Variants in KCNQ3 observed in about 807,000 individuals in gnomAD.
KCNQ3 encodes the protein potassium voltage-gated channel subfamily Q member 3.
A neutral mutation model predicts 92.5 loss-of-function variants in KCNQ3; 30 were observed. That is an observed-to-expected ratio of 0.32 (90% CI 0.24 to 0.44). KCNQ3 has a LOEUF of 0.44. KCNQ3 is among the 20% of genes least tolerant of loss of function. The pLI, the probability that KCNQ3 is intolerant of heterozygous loss-of-function variation, is 1.00. For synonymous variants in KCNQ3, 450 were observed against 468.8 expected, an observed-to-expected ratio of 0.96 and a Z score of 0.52; for missense variants, 913 against 1,140.3, an observed-to-expected ratio of 0.80 and a Z score of 2.87.
At chr8:132,156,446 A>G (rs536455473) in intron 9 of KCNQ3, among the ~76,000 whole-genome samples, 8 of 152,096 alleles carry the variant, frequency 5.3e-5, no homozygotes, top group East Asian at 3.9e-4. Flanking sequence ...TAACTCTACT[A>G]CCTAGTTATT....
In KCNQ3 at chr8:132,154,193, G is replaced by GTTTTTTTTTTTTTTTTTTT. The variant is rs869112851; in HGVS notation, c.1262+9256_1262+9274dup. On this transcript the variant is annotated intron_variant, in intron 9 of 14. Transcript: ENST00000388996. ...CTGATGTACCATCAAAAGGGTAAAA[G>GTTTTTTTTTTTTTTTTTTT]TTTTTTTTTTTTTTTTTTTTTTTTT... Among the ~76,000 whole-genome samples the GTTTTTTTTTTTTTTTTTTT allele has an allele frequency of 6.1e-3, 168 of 27,424 alleles. 30 individuals carry two copies. Among genetic ancestry groups the GTTTTTTTTTTTTTTTTTTT allele is most frequent in the Non-Finnish European group, 6.9e-3 (101 of 14,624 alleles). 18.0% of individuals were successfully genotyped at this position (27,424 alleles called of 152,430 possible).
intron 9 of KCNQ3, among the ~76,000 whole-genome samples, chr8:132,159,641 G>A (rs1159447409): frequency 6.6e-6 from 1 of 152,188 alleles, no homozygotes; most frequent in Non-Finnish European, 1.5e-5. Context: ...GAGAAAGTCG[G>A]CTGAGAGTAA....
At chr8:132,314,998 G>A (rs944582185) in intron 1 of KCNQ3, among the ~76,000 whole-genome samples, 3 of 152,284 alleles carry the variant, frequency 2.0e-5, no homozygotes, top group Admixed American at 2.0e-4. Flanking sequence ...AGACCATAAA[G>A]GTAAATTGGA....
At chr8:132,257,073 G>T (rs530806842) in intron 1 of KCNQ3, among the ~76,000 whole-genome samples, 237 of 152,224 alleles carry the variant, frequency 1.6e-3, no homozygotes, top group African/African-American at 5.6e-3. Flanking sequence ...AATGTATAAA[G>T]ACACAGTTTT....
At chr8:132,235,809 T>C (rs1469680770) in intron 1 of KCNQ3, among the ~76,000 whole-genome samples, 1 of 152,214 alleles carries the variant, frequency 6.6e-6, no homozygotes, top group Non-Finnish European at 1.5e-5. Flanking sequence ...CAAAATATCA[T>C]TTTCTTAGAA....
intron 1 of KCNQ3, among the ~76,000 whole-genome samples, chr8:132,468,843 C>A (rs1003798249): frequency 6.6e-6 from 1 of 152,186 alleles, no homozygotes; most frequent in African/African-American, 2.4e-5. Context: ...GTATGGGATA[C>A]CCCATGAGCC....
At chr8:132,244,958 C>G (rs1212873381) in intron 1 of KCNQ3, among the ~76,000 whole-genome samples, 1 of 149,806 alleles carries the variant, frequency 6.7e-6, no homozygotes, top group Non-Finnish European at 1.5e-5. Context: ...AAGCTACCCA[C>G]GATTCCACTG....
At chr8:132,265,388 A>G (rs1815947936) in intron 1 of KCNQ3, among the ~76,000 whole-genome samples, 1 of 152,234 alleles carries the variant, frequency 6.6e-6, no homozygotes, top group African/African-American at 2.4e-5. Flanking sequence ...ATTCCTTGGC[A>G]AAGAGTCTAC....
intron 1 of KCNQ3, among the ~76,000 whole-genome samples, chr8:132,416,401 G>A (rs758571458): frequency 2.6e-5 from 4 of 152,122 alleles, no homozygotes; most frequent in Non-Finnish European, 4.4e-5. Context: ...GCTGAGGCGG[G>A]TGGATCACCT....
At chr8:132,268,786 C>T (rs965023597) in intron 1 of KCNQ3, among the ~76,000 whole-genome samples, 7 of 152,130 alleles carry the variant, frequency 4.6e-5, no homozygotes, top group East Asian at 1.9e-4. Flanking sequence ...GAATATGTTT[C>T]GTTTTGTAAG....
intron 1 of KCNQ3, among the ~76,000 whole-genome samples, chr8:132,478,608 CCCGA>C (rs1340974469): frequency 2.0e-5 from 3 of 150,458 alleles, no homozygotes; most frequent in South Asian, 2.1e-4. Context: ...CCAACCAGAC[CCCGA>C]CCAACACCTG....
Position 132,157,937 on chromosome 8 carries a change from C to A in KCNQ3, c.1262+5531G>T, listed in dbSNP as rs1207087956. 3.3e-5 allele frequency among the ~76,000 whole-genome samples: 5 copies of A among 152,034 alleles called. No homozygotes were observed. The South Asian group carries it at 6.2e-4, about 19-fold the overall frequency. ...AATGAGAACATGCGGTGTCTGATAA[C>A]CTGTGTTTTAATCCTTTGACTTCTA... On this transcript the variant is annotated intron_variant, in intron 9 of 14. Coordinates refer to ENST00000388996, the MANE Select transcript of KCNQ3 (RefSeq NM_004519.4).
intron 1 of KCNQ3, among the ~76,000 whole-genome samples, chr8:132,420,499 C>T (rs1820937212): frequency 6.6e-6 from 1 of 152,156 alleles, no homozygotes; most frequent in South Asian, 2.1e-4. Context: ...CATCCAGCAC[C>T]AGGACTTGAT....
intron 1 of KCNQ3, among the ~76,000 whole-genome samples, chr8:132,400,440 AC>A: frequency 6.6e-6 from 1 of 152,124 alleles, no homozygotes; most frequent in Non-Finnish European, 1.5e-5. Flanking sequence ...TGAACAACTG[AC>A]TCTCAACAGC....
rs148298404 is a variant in KCNQ3, at chr8:132,446,871, A to G, written c.386+33276T>C. Among the ~76,000 whole-genome samples the G allele has an allele frequency of 8.1e-4, 123 of 152,340 alleles. No individual in the cohort carries two copies. In the Middle Eastern group the frequency reaches 0.01, roughly 13 times the overall value. On this transcript the variant is annotated intron_variant, in intron 1 of 14. Transcript: ENST00000388996. ...AATCAGGCTTAATAGAAAACAATAAAAAAGATGTAGGAGGAGACGAATTTA... is the reference window on the plus strand; with the variant it reads ...AATCAGGCTTAATAGAAAACAATAAGAAAGATGTAGGAGGAGACGAATTTA...
intron 12 of KCNQ3, among the ~76,000 whole-genome samples, chr8:132,136,118 C>CAAAAAAAAAAA (rs67331428): frequency 1.1e-3 from 46 of 40,012 alleles, no homozygotes; most frequent in African/African-American, 2.6e-3. Context: ...GACTCCATCT[C>CAAAAAAAAAAA]AAAAAAAAAA....
rs191019567 is a variant in KCNQ3, at chr8:132,372,646, G to A, written c.386+107501C>T. Among the ~76,000 whole-genome samples, 250 of 151,346 alleles carry A rather than the reference G, an allele frequency of 1.7e-3. 3 individuals are homozygous for A. Among genetic ancestry groups the A allele is most frequent in the East Asian group, 8.0e-3 (41 of 5,106 alleles). On this transcript the variant is annotated intron_variant, in intron 1 of 14. Transcript: ENST00000388996. ...GTGGCATGCACCTGTAATCCCAACTGCTCAGGAGGCTGAGACAGGAGAATC... is the reference window on the plus strand; with the variant it reads ...GTGGCATGCACCTGTAATCCCAACTACTCAGGAGGCTGAGACAGGAGAATC...
chr8:132,307,939 C>A (rs1817478395), intron 1 of KCNQ3, among the ~76,000 whole-genome samples: 1 of 152,160 alleles, frequency 6.6e-6, no homozygotes, highest in South Asian at 2.1e-4. Flanking sequence ...AATGTGTCCA[C>A]CAGCTTCTTT....
intron 1 of KCNQ3, among the ~76,000 whole-genome samples, chr8:132,451,743 T>C (rs565257612): frequency 6.6e-6 from 1 of 152,316 alleles, no homozygotes; most frequent in Non-Finnish European, 1.5e-5. Flanking sequence ...TGGATAACTG[T>C]TGCAAATATT....
Sources: gnomAD v4.1 joint callset for allele counts (sites outside exome capture counted in the v4.1 genomes callset) on GRCh38, gnomAD v4.1.1 for gene constraint, MANE v1.5 for transcripts, NCBI Gene and HGNC (gene_info 2026-07-23, HGNC 2026-07-21) for gene names.